CYS1: variants seen among roughly 807,000 people sequenced by gnomAD.
CYS1 encodes cystin 1.
CYS1 carries 5 observed loss-of-function variants against 9.6 expected under a neutral mutation model. That is an observed-to-expected ratio of 0.52 (90% confidence interval 0.27 to 1.10). The LOEUF is 1.10. Among genes scored for constraint, CYS1 ranks in the 50% least tolerant of loss-of-function variants. The probability of loss-of-function intolerance (pLI) is 0.11; values close to 1 mark genes in which losing one functional copy is unlikely to be tolerated. For missense variants in CYS1, 221 were observed against 207.9 expected (o/e 1.06, Z -0.39); for synonymous variants, 88 against 95.7 (o/e 0.92, Z 0.47).
chr2:10,063,801 G>C lies in CYS1; in HGVS notation c.371+2103C>G, dbSNP rs1661659212. Among the ~76,000 whole-genome samples the C allele has an allele frequency of 6.6e-6, 1 of 152,196 alleles. No homozygotes were observed. The highest frequency in any genetic ancestry group is 1.5e-5 in the Non-Finnish European group (1 of 68,038). Reference sequence around the variant, plus strand: ...GTACAGGGCAGATGCTGCCAGCCCTGACCCTGGGGCAGGACTGCTGGGACC... The same window carrying C: ...GTACAGGGCAGATGCTGCCAGCCCTCACCCTGGGGCAGGACTGCTGGGACC... On this transcript the variant is annotated intron_variant, in intron 2 of 2. Transcript: ENST00000381813. This position sits in a 1 kb window ranked among gnomAD's most constrained non-coding sequence, Gnocchi z 4.2.
At position 10,076,315 on chromosome 2, in the gene CYS1, G is replaced by T. The variant is rs56386879; in HGVS notation, c.318+3591C>A. Among the ~76,000 whole-genome samples, 32,925 of 152,034 alleles carry T rather than the reference G, an allele frequency of 0.22. 4,072 individuals carry two copies. The highest frequency in any genetic ancestry group is 0.34 in the South Asian group (1,618 of 4,818). On this transcript the variant is annotated intron_variant, in intron 1 of 2. Coordinates refer to ENST00000381813, the MANE Select transcript of CYS1 (RefSeq NM_001037160.3). The surrounding 1 kb of genome is among the most constrained non-coding windows in gnomAD (Gnocchi z 4.3). ...ACCTCCTCTTATCCAGCCCATTCTG[G>T]GACTAAGATTTTCTGGTGAATTCCA...
intron 2 of CYS1, among the ~76,000 whole-genome samples, chr2:10,062,362 T>C (rs538262785): frequency 1.1e-4 from 17 of 152,160 alleles, no homozygotes; most frequent in African/African-American, 4.1e-4. Context: ...GCAAGAACAT[T>C]TGTGTTATTC....
chr2:10,057,609 T>C lies in CYS1; in HGVS notation c.*1244A>G, dbSNP rs148286737. 0.014 allele frequency: 2,170 copies of C among 152,584 alleles called. 21 individuals carry two copies. Among genetic ancestry groups the C allele is most frequent in the Non-Finnish European group, 0.02 (1,367 of 68,228 alleles). The allele number at this position is 152,584 out of a possible 1,614,324, so 9.5% of individuals were successfully genotyped here. On this transcript the variant is annotated 3_prime_UTR_variant, in exon 3 of 3. Coordinates refer to ENST00000381813, the MANE Select transcript of CYS1 (RefSeq NM_001037160.3). ...GTACTGGCTTCAGCAGAAGCCGCGC[T>C]GTTTCCTCCTTCCCCCTCTATCTCC... is the stretch of plus-strand genomic sequence containing the variant.
intron 1 of CYS1, among the ~76,000 whole-genome samples, chr2:10,071,782 C>G (rs910759493): frequency 6.6e-6 from 1 of 152,156 alleles, no homozygotes; most frequent in African/African-American, 2.4e-5. Context: ...CAGGGGGCTG[C>G]CTCCACCTGC....
chr2:10,067,406 CTTTTTTTTT>C (rs34525296), intron 1 of CYS1, among the ~76,000 whole-genome samples: 1 of 118,118 alleles, frequency 8.5e-6, no homozygotes, highest in Non-Finnish European at 1.7e-5. Context: ...AAATTCTTTT[CTTTTTTTTT>C]TTTTTTTTTT....
In CYS1 at chr2:10,063,776, G is replaced by C. The variant is rs1572455077; in HGVS notation, c.371+2128C>G. 6.6e-6 allele frequency among the ~76,000 whole-genome samples: 1 copy of C among 152,228 alleles called. No individual in the cohort carries two copies. Among genetic ancestry groups the C allele is most frequent in the Non-Finnish European group, 1.5e-5 (1 of 68,036 alleles). On this transcript the variant is annotated intron_variant, in intron 2 of 2. Coordinates refer to ENST00000381813, the MANE Select transcript of CYS1 (RefSeq NM_001037160.3). This position sits in a 1 kb window ranked among gnomAD's most constrained non-coding sequence, Gnocchi z 4.2. ...CCGTGGGCAGCGAGAAGCACAGTGG[G>C]TACAGGGCAGATGCTGCCAGCCCTG... is the stretch of plus-strand genomic sequence containing the variant.
intron 2 of CYS1, among the ~76,000 whole-genome samples, chr2:10,064,205 A>G (rs1348527357): frequency 2.6e-5 from 4 of 152,166 alleles, no homozygotes; most frequent in Non-Finnish European, 4.4e-5. Context: ...CCTGGATGAC[A>G]AGAGCAAAAC....
chr2:10,067,125 C>T (rs1661708411), intron 1 of CYS1, among the ~76,000 whole-genome samples: 2 of 152,146 alleles, frequency 1.3e-5, no homozygotes, highest in South Asian at 4.1e-4. Context: ...AAGTGATTCT[C>T]CTGCCTCAGC....
intron 2 of CYS1, 37 bp downstream of exon 2, chr2:10,065,867 G>A (rs755117187): frequency 1.2e-5 from 20 of 1,611,286 alleles, no homozygotes; most frequent in Admixed American, 3.3e-5. Context: ...AAAAGAACCC[G>A]TGGCTTCTGG....
intron 1 of CYS1, among the ~76,000 whole-genome samples, chr2:10,069,562 T>G (rs1661738113): frequency 6.6e-6 from 1 of 152,010 alleles, no homozygotes; most frequent in Admixed American, 6.6e-5. Context: ...AGAGACAGGG[T>G]TTCACCATGT....
chr2:10,060,426 C>T (rs1242352903), intron 2 of CYS1, among the ~76,000 whole-genome samples: 1 of 152,240 alleles, frequency 6.6e-6, no homozygotes, highest in African/African-American at 2.4e-5. Flanking sequence ...AAGAGCTGGG[C>T]TCCTGGCACA....
At chr2:10,069,071 A>G (rs1484740227) in intron 1 of CYS1, among the ~76,000 whole-genome samples, 2 of 151,996 alleles carry the variant, frequency 1.3e-5, no homozygotes, top group African/African-American at 4.8e-5. Flanking sequence ...CAGAAAAAAA[A>G]AAAATTAAAT....
intron 1 of CYS1, among the ~76,000 whole-genome samples, chr2:10,069,116 G>A (rs1044528811): frequency 2.6e-5 from 4 of 152,176 alleles, no homozygotes; most frequent in East Asian, 1.9e-4. Flanking sequence ...AGGAAGGGAT[G>A]AGCAGGCGGA....
At chr2:10,059,105 C>T in intron 2 of CYS1, 147 bp from the exon 3 acceptor site, 1 of 690,002 alleles carries the variant, frequency 1.4e-6, no homozygotes, top group Non-Finnish European at 2.5e-6. Context: ...GGCGCTCTCG[C>T]CCAGCACATA....
At position 10,076,752 on chromosome 2, in the gene CYS1, G is replaced by A. The variant is rs532242470; in HGVS notation, c.318+3154C>T. 1.7e-4 allele frequency among the ~76,000 whole-genome samples: 26 copies of A among 152,254 alleles called. No individual in the cohort carries two copies. The South Asian group carries it at 5.2e-3, about 30-fold the overall frequency. ...TTAGTTCACATACACGAAGCTCCCA[G>A]GACAGAGCCCGGTGCCCATCCATGC... On this transcript the variant is annotated intron_variant, in intron 1 of 2. Transcript: ENST00000381813. The surrounding 1 kb of genome is among the most constrained non-coding windows in gnomAD (Gnocchi z 4.3).
chr2:10,060,836 C>G (rs1259928032), intron 2 of CYS1, among the ~76,000 whole-genome samples: 1 of 152,270 alleles, frequency 6.6e-6, no homozygotes, highest in Non-Finnish European at 1.5e-5. Context: ...CGAGTCCAGC[C>G]TGAGGGCTGG....
At chr2:10,073,766 C>T (rs1490414903) in intron 1 of CYS1, among the ~76,000 whole-genome samples, 1 of 152,180 alleles carries the variant, frequency 6.6e-6, no homozygotes, top group South Asian at 2.1e-4. Context: ...CAGCATCTCT[C>T]GAAGAGTGCA....
chr2:10,070,915 G>A lies in CYS1; in HGVS notation c.319-4959C>T, dbSNP rs568000118. ...CACCTCGGCCTCCTAAAAAGTGCTG[G>A]GATTACAGGCATGGTGAGCCACCAC... is the stretch of plus-strand genomic sequence containing the variant. On this transcript the variant is annotated intron_variant, in intron 1 of 2. Coordinates refer to ENST00000381813, the MANE Select transcript of CYS1 (RefSeq NM_001037160.3). Among the ~76,000 whole-genome samples, 3 of 152,226 alleles carry A rather than the reference G, an allele frequency of 2.0e-5. No individual in the cohort carries two copies. The East Asian group carries it at 5.8e-4, about 29-fold the overall frequency.
chr2:10,069,493 C>G lies in CYS1; in HGVS notation c.319-3537G>C, dbSNP rs1027955151. On this transcript the variant is annotated intron_variant, in intron 1 of 2. Transcript: ENST00000381813. Reference sequence around the variant, plus strand: ...AAGCGATTCTCCTGCCTCAGACTCCCGAGTAGCTGGGACCACAGGTGCGTG... The same window carrying G: ...AAGCGATTCTCCTGCCTCAGACTCCGGAGTAGCTGGGACCACAGGTGCGTG... Among the ~76,000 whole-genome samples the G allele has an allele frequency of 5.9e-5, 9 of 152,126 alleles. No individual in the cohort carries two copies. In the South Asian group the frequency reaches 1.2e-3, roughly 21 times the overall value.
Sources: allele counts gnomAD v4.1 joint callset (sites outside exome capture counted in the v4.1 genomes callset), GRCh38; gene constraint gnomAD v4.1.1; non-coding constraint Gnocchi (gnomAD v3.1); transcripts MANE v1.5; gene names NCBI Gene and HGNC (gene_info 2026-07-23, HGNC 2026-07-21).